CCDC141: variants seen among roughly 807,000 people sequenced by gnomAD.
CCDC141 encodes the protein coiled-coil domain-containing protein 141.
CCDC141 carries 168 observed loss-of-function variants against 181.0 expected under a neutral mutation model. The ratio of observed to expected loss-of-function variants is 0.93; its 90% CI spans 0.82 to 1.05. The LOEUF (loss-of-function observed/expected upper bound fraction) is 1.05. Ranked by LOEUF, CCDC141 falls within the 50% of genes least tolerant of loss-of-function variation. CCDC141 has a pLI of 0.00. For missense variants in CCDC141, 1,902 were observed against 1,788.5 expected, an observed-to-expected ratio of 1.06 and a Z score of -1.14; for synonymous variants, 666 against 642.3, an observed-to-expected ratio of 1.04 and a Z score of -0.56.
rs2043630901 is a variant in CCDC141 at position 179,050,119 on chromosome 2, T to C, written c.-178A>G. 6 of 924,652 alleles carry C rather than the reference T, an allele frequency of 6.5e-6. No individual in the cohort carries two copies. Among genetic ancestry groups the C allele is most frequent in the Non-Finnish European group, 9.2e-6 (6 of 651,962 alleles). 57.3% of individuals were successfully genotyped at this position (924,652 alleles called of 1,614,324 possible). On this transcript the variant is annotated 5_prime_UTR_variant, in exon 1 of 24. Coordinates refer to ENST00000443758, the MANE Select transcript of CCDC141 (RefSeq NM_173648.4). ...AAAATAGACAACCCCATTGAGTTTA[T>C]CGTGAGAGAGAAAGGAGCGAACGAG...
intron 10 of CCDC141, among the ~76,000 whole-genome samples, chr2:178,885,410 T>C (rs1416360903): frequency 6.6e-6 from 1 of 152,222 alleles, no homozygotes; most frequent in East Asian, 1.9e-4. Flanking sequence ...GAAATAATTA[T>C]ACATGAGATA....
chr2:179,032,226 G>A (rs2043019527), intron 2 of CCDC141, among the ~76,000 whole-genome samples: 1 of 152,028 alleles, frequency 6.6e-6, no homozygotes, highest in Admixed American at 6.6e-5. Context: ...AAAGGATGGG[G>A]AGAGAAAAAA....
intron 11 of CCDC141, 64 bp from the exon 12 acceptor site, chr2:178,878,207 G>T: frequency 9.3e-7 from 1 of 1,079,312 alleles, no homozygotes. Flanking sequence ...AAGAACAGTA[G>T]ATTCCAATAA....
intron 21 of CCDC141, among the ~76,000 whole-genome samples, chr2:178,849,058 G>A (rs1421162769): frequency 6.6e-6 from 1 of 152,068 alleles, no homozygotes. Context: ...AAAGGATAAA[G>A]ATAATTTGGT....
At chr2:178,841,436 GC>G (rs1435933437) in intron 22 of CCDC141, among the ~76,000 whole-genome samples, 4 of 152,118 alleles carry the variant, frequency 2.6e-5, no homozygotes, top group African/African-American at 9.7e-5. Flanking sequence ...TAATATATAT[GC>G]AAGTGGTCTT....
At chr2:178,978,459 G>T (rs941879299) in intron 3 of CCDC141, 25 bp downstream of exon 3, 1 of 1,369,022 alleles carries the variant, frequency 7.3e-7, no homozygotes, top group South Asian at 1.7e-5. Flanking sequence ...ATGTGGGGAA[G>T]GGAGAAGTTT....
chr2:178,908,252 T>C (rs1244778782), intron 7 of CCDC141, among the ~76,000 whole-genome samples: 1 of 152,180 alleles, frequency 6.6e-6, no homozygotes, highest in Non-Finnish European at 1.5e-5. Context: ...TGGACTGCAG[T>C]GGCGCCATCT....
intron 11 of CCDC141, among the ~76,000 whole-genome samples, chr2:178,880,506 G>A (rs571131787): frequency 6.6e-6 from 1 of 152,234 alleles, no homozygotes; most frequent in South Asian, 2.1e-4. Flanking sequence ...GGAAGTGATG[G>A]TACAAGTGCC....
At chr2:178,958,442 A>C (rs1436867608) in intron 5 of CCDC141, among the ~76,000 whole-genome samples, 1 of 152,160 alleles carries the variant, frequency 6.6e-6, no homozygotes, top group African/African-American at 2.4e-5. Context: ...CTTTCTCTCA[A>C]TTTTGCTCTG....
At chr2:179,028,830 C>T (rs2042926610) in intron 2 of CCDC141, among the ~76,000 whole-genome samples, 1 of 152,180 alleles carries the variant, frequency 6.6e-6, no homozygotes, top group South Asian at 2.1e-4. Flanking sequence ...TTAATAGTCT[C>T]CAAATACTTA....
At chr2:178,859,842 A>G (rs1477182818) in intron 17 of CCDC141, among the ~76,000 whole-genome samples, 2 of 152,228 alleles carry the variant, frequency 1.3e-5, no homozygotes, top group African/African-American at 4.8e-5. Context: ...TTCTTTGGAA[A>G]GAAGCAGAAG....
At chr2:178,922,513 T>C (rs76627175) in intron 6 of CCDC141, among the ~76,000 whole-genome samples, 1 of 152,160 alleles carries the variant, frequency 6.6e-6, no homozygotes, top group African/African-American at 2.4e-5. Flanking sequence ...GGACAAGACC[T>C]CGGAGGTGAT....
intron 2 of CCDC141, among the ~76,000 whole-genome samples, chr2:178,991,758 A>C (rs1176297058): frequency 6.6e-6 from 1 of 152,100 alleles, no homozygotes; most frequent in Non-Finnish European, 1.5e-5. Context: ...ATCATTATAC[A>C]GTGTAGAAAT....
intron 4 of CCDC141, among the ~76,000 whole-genome samples, chr2:178,972,107 A>T (rs905703857): frequency 2.0e-5 from 3 of 152,112 alleles, no homozygotes; most frequent in Non-Finnish European, 4.4e-5. Flanking sequence ...AATAAATTTA[A>T]AAAAAGATAT....
In CCDC141 at chr2:178,831,306, T is replaced by A. The variant is rs961936299; in HGVS notation, c.*2867A>T. 1.3e-5 allele frequency: 2 copies of A among 152,146 alleles called. No individual in the cohort carries two copies. Among genetic ancestry groups the A allele is most frequent in the African/African-American group, 4.8e-5 (2 of 41,430 alleles). The allele number at this position is 152,146 out of a possible 1,614,324, so 9.4% of individuals were successfully genotyped here. A position where few individuals can be genotyped will look rare whatever the true frequency, so the allele number is the denominator to read the frequency against. On this transcript the variant is annotated 3_prime_UTR_variant, in exon 24 of 24. Coordinates refer to ENST00000443758, the MANE Select transcript of CCDC141 (RefSeq NM_173648.4). ...TTTGCCTTATGAAAACTTAAAAACA[T>A]TTTGTTTTGCAGTTCTTCAAAGTAT...
intron 2 of CCDC141, among the ~76,000 whole-genome samples, chr2:179,037,426 C>G (rs2043174961): frequency 6.6e-6 from 1 of 152,180 alleles, no homozygotes; most frequent in African/African-American, 2.4e-5. Context: ...CCTCTTCTAA[C>G]ACTGTCTGAA....
rs1248023912 is a variant in CCDC141 at position 178,850,578 on chromosome 2, T to TCCAGCCAAATCC, written c.3245-418_3245-417insGGATTTGGCTGG. Among the ~76,000 whole-genome samples the TCCAGCCAAATCC allele has an allele frequency of 1.9e-3, 295 of 152,070 alleles. 6 individuals carry two copies. In the South Asian group the frequency reaches 0.021, roughly 11 times the overall value. ...CTCTAGTTCTCTCCTGTATTTTATC[T>TCCAGCCAAATCC]CCAGCCAAATGGAACCAGCAACTCC... On this transcript the variant is annotated intron_variant, in intron 20 of 23. Coordinates refer to ENST00000443758, the MANE Select transcript of CCDC141 (RefSeq NM_173648.4).
chr2:178,992,048 G>A (rs1692079895), intron 2 of CCDC141, among the ~76,000 whole-genome samples: 1 of 151,858 alleles, frequency 6.6e-6, no homozygotes, highest in African/African-American at 2.4e-5. Flanking sequence ...TCTCAAGTAT[G>A]TACCCAAAAG....
chr2:178,924,266 A>G (rs1688828766), intron 6 of CCDC141, among the ~76,000 whole-genome samples: 2 of 152,230 alleles, frequency 1.3e-5, no homozygotes, highest in African/African-American at 4.8e-5. Context: ...TGGGAGAAGC[A>G]TGTGTTGAGT....
Sources: gnomAD v4.1 joint callset for allele counts (sites outside exome capture counted in the v4.1 genomes callset) on GRCh38, gnomAD v4.1.1 for gene constraint, MANE v1.5 for transcripts, NCBI Gene and HGNC (gene_info 2026-07-23, HGNC 2026-07-21) for gene names.